EPHA6: variants seen among roughly 807,000 people sequenced by gnomAD.
The protein encoded by EPHA6 is ephrin type-A receptor 6.
A neutral mutation model predicts 112.0 loss-of-function variants in EPHA6; 50 were observed. That is an observed-to-expected ratio of 0.45 (90% CI 0.36 to 0.56). EPHA6 has a LOEUF of 0.56. Ranked by LOEUF, EPHA6 falls within the 20% of genes least tolerant of loss-of-function variation. The probability of loss-of-function intolerance (pLI) is 0.00; values close to 1 mark genes in which losing one functional copy is unlikely to be tolerated. For synonymous variants in EPHA6, 529 were observed against 490.7 expected (o/e 1.08, Z -1.03); for missense variants, 1,280 against 1,417.4 (o/e 0.90, Z 1.56).
In EPHA6 at chr3:97,750,647, G is replaced by A. The variant is rs2107918463; in HGVS notation, c.*1946G>A. ...TGAGATTACAGGCGTGAGCCACCGCGCCTGGCCATTTTTTTCTTATATTTA... is the reference window on the plus strand; with the variant it reads ...TGAGATTACAGGCGTGAGCCACCGCACCTGGCCATTTTTTTCTTATATTTA... On this transcript the variant is annotated 3_prime_UTR_variant, in exon 18 of 18. Coordinates refer to ENST00000389672, the MANE Select transcript of EPHA6 (RefSeq NM_001080448.3). Among the ~76,000 whole-genome samples the A allele has an allele frequency of 6.6e-6, 1 of 152,140 alleles. No individual in the cohort carries two copies. The highest frequency in any genetic ancestry group is 2.4e-5 in the African/African-American group (1 of 41,542).
chr3:97,065,005 G>A (rs2046133237), intron 3 of EPHA6, among the ~76,000 whole-genome samples: 1 of 152,038 alleles, frequency 6.6e-6, no homozygotes, highest in Non-Finnish European at 1.5e-5. Flanking sequence ...CTCAATTTAG[G>A]TGAAGTATAT....
intron 6 of EPHA6, among the ~76,000 whole-genome samples, chr3:97,440,466 G>C (rs2090078142): frequency 6.6e-6 from 1 of 151,180 alleles, no homozygotes; most frequent in East Asian, 1.9e-4. Flanking sequence ...CATACATATT[G>C]ATCTTATATC....
At chr3:97,170,604 G>T (rs565912254) in intron 3 of EPHA6, among the ~76,000 whole-genome samples, 2 of 152,186 alleles carry the variant, frequency 1.3e-5, no homozygotes, top group East Asian at 3.9e-4. Context: ...AGGTGTCATG[G>T]TGCATGTCTC....
At chr3:96,829,494 G>T (rs1229986737) in intron 1 of EPHA6, among the ~76,000 whole-genome samples, 1 of 152,056 alleles carries the variant, frequency 6.6e-6, no homozygotes, top group Admixed American at 6.6e-5. Flanking sequence ...TATAGAAATC[G>T]CTGGATTAGG....
chr3:97,104,212 C>G (rs751918581), intron 3 of EPHA6, among the ~76,000 whole-genome samples: 8 of 152,086 alleles, frequency 5.3e-5, no homozygotes, highest in Non-Finnish European at 1.0e-4. Context: ...AGAGGACATC[C>G]CTGTCTTACG....
At chr3:97,451,166 A>T (rs2090515253) in intron 7 of EPHA6, among the ~76,000 whole-genome samples, 1 of 152,044 alleles carries the variant, frequency 6.6e-6, no homozygotes, top group Non-Finnish European at 1.5e-5. Flanking sequence ...CATATTAAGG[A>T]TATTTGCATG....
intron 6 of EPHA6, among the ~76,000 whole-genome samples, chr3:97,446,990 T>A (rs928920973): frequency 6.6e-6 from 1 of 152,190 alleles, no homozygotes; most frequent in Non-Finnish European, 1.5e-5. Flanking sequence ...AGTCTTTTTT[T>A]ATTTAAAATG....
intron 5 of EPHA6, among the ~76,000 whole-genome samples, chr3:97,280,723 T>C (rs969379258): frequency 5.3e-5 from 8 of 152,212 alleles, no homozygotes; most frequent in African/African-American, 1.9e-4. Context: ...TATATCTCTT[T>C]ATAAGGTTCT....
intron 3 of EPHA6, among the ~76,000 whole-genome samples, chr3:97,044,554 A>G (rs547456481): frequency 1.3e-4 from 20 of 152,270 alleles, no homozygotes; most frequent in African/African-American, 4.8e-4. Context: ...TGTCCTTCTC[A>G]TTTGCCTGGT....
At chr3:97,580,873 C>T (rs2107282977) in intron 11 of EPHA6, among the ~76,000 whole-genome samples, 1 of 152,296 alleles carries the variant, frequency 6.6e-6, no homozygotes, top group Admixed American at 6.5e-5. Flanking sequence ...TCTTTCAAAC[C>T]CATTTCACAC....
chr3:97,238,514 T>C (rs778994283), intron 4 of EPHA6, among the ~76,000 whole-genome samples: 1 of 151,958 alleles, frequency 6.6e-6, no homozygotes, highest in Non-Finnish European at 1.5e-5. Context: ...ATTACTTCAG[T>C]GTAATATGTG....
At chr3:97,138,375 G>T (rs949663597) in intron 3 of EPHA6, among the ~76,000 whole-genome samples, 3 of 152,118 alleles carry the variant, frequency 2.0e-5, no homozygotes, top group African/African-American at 7.2e-5. Context: ...GTGAGCAGGG[G>T]TCCAACACTC....
chr3:97,475,900 T>C (rs1002843243), intron 8 of EPHA6, among the ~76,000 whole-genome samples: 22 of 152,160 alleles, frequency 1.4e-4, no homozygotes, highest in African/African-American at 5.3e-4. Flanking sequence ...ATAAATCCAA[T>C]ATTTCTATAC....
At chr3:96,982,869 A>C (rs2042854962) in intron 2 of EPHA6, among the ~76,000 whole-genome samples, 1 of 152,036 alleles carries the variant, frequency 6.6e-6, no homozygotes, top group South Asian at 2.1e-4. Flanking sequence ...AGAGACTAGG[A>C]TTGCAACCCC....
chr3:97,558,668 T>C (rs905186694), intron 11 of EPHA6, among the ~76,000 whole-genome samples: 1 of 152,052 alleles, frequency 6.6e-6, no homozygotes, highest in South Asian at 2.1e-4. Flanking sequence ...AAGTGTGTGA[T>C]AAAATATGTC....
At position 97,338,338 on chromosome 3, in the gene EPHA6, C is replaced by T. The variant is rs1256281652; in HGVS notation, c.1607-66812C>T. Among the ~76,000 whole-genome samples the T allele has an allele frequency of 2.0e-5, 3 of 152,114 alleles. No individual in the cohort carries two copies. The East Asian group carries it at 5.8e-4, about 29-fold the overall frequency. On this transcript the variant is annotated intron_variant, in intron 5 of 17. Coordinates refer to ENST00000389672, the MANE Select transcript of EPHA6 (RefSeq NM_001080448.3). ...CACAAGCCTGTAATGTATATTGCCC[C>T]TAAGATAAGCCCTTTGATACCTGGG...
chr3:97,440,621 A>G (rs954263626), intron 6 of EPHA6, among the ~76,000 whole-genome samples: 4 of 151,076 alleles, frequency 2.6e-5, no homozygotes, highest in African/African-American at 9.7e-5. Context: ...TAATATATTA[A>G]AGCATAATAG....
intron 3 of EPHA6, among the ~76,000 whole-genome samples, chr3:97,204,242 T>C (rs969879236): frequency 1.3e-5 from 2 of 152,156 alleles, no homozygotes; most frequent in Admixed American, 6.6e-5. Context: ...TAATTTCCTA[T>C]GTACTAGGCT....
At chr3:97,567,824 G>A (rs182078514) in intron 11 of EPHA6, among the ~76,000 whole-genome samples, 5 of 152,264 alleles carry the variant, frequency 3.3e-5, no homozygotes, top group African/African-American at 1.2e-4. Context: ...AGCTATGCAA[G>A]GCCTCCTGGG....
Sources: allele counts gnomAD v4.1 joint callset (sites outside exome capture counted in the v4.1 genomes callset), GRCh38; gene constraint gnomAD v4.1.1; transcripts MANE v1.5; gene names NCBI Gene and HGNC (gene_info 2026-07-23, HGNC 2026-07-21).